CLASP1: variants seen among roughly 807,000 people sequenced by gnomAD.
CLASP1 encodes cytoplasmic linker associated protein 1.
In CLASP1, 38 loss-of-function variants were observed where a neutral mutation model predicts 192.3. The observed-to-expected ratio is 0.20, with a 90% CI of 0.15 to 0.26. The LOEUF (loss-of-function observed/expected upper bound fraction) is 0.26. Among genes scored for constraint, CLASP1 ranks in the 10% least tolerant of loss-of-function variants. The pLI, the probability that CLASP1 is intolerant of heterozygous loss-of-function variation, is 1.00. For missense variants in CLASP1, 1,433 were observed against 1,932.5 expected, an observed-to-expected ratio of 0.74 and a Z score of 4.85; for synonymous variants, 691 against 712.8, an observed-to-expected ratio of 0.97 and a Z score of 0.49.
chr2:121,464,186 T>C (rs1462242764), intron 9 of CLASP1, among the ~76,000 whole-genome samples: 1 of 152,144 alleles, frequency 6.6e-6, no homozygotes, highest in Non-Finnish European at 1.5e-5. Context: ...CATCCTTTTT[T>C]ATGGATGCAT....
intron 1 of CLASP1, among the ~76,000 whole-genome samples, chr2:121,614,610 C>G (rs1291484170): frequency 6.6e-6 from 1 of 152,166 alleles, no homozygotes; most frequent in African/African-American, 2.4e-5. Flanking sequence ...CACGTATGTA[C>G]TCAATGGGTA....
chr2:121,645,453 C>T (rs2073009991), intron 1 of CLASP1, among the ~76,000 whole-genome samples: 1 of 152,180 alleles, frequency 6.6e-6, no homozygotes. Flanking sequence ...GACTACTGGG[C>T]CTCTAACAAC....
intron 19 of CLASP1, among the ~76,000 whole-genome samples, chr2:121,431,599 T>C (rs929823591): frequency 6.6e-6 from 1 of 152,192 alleles, no homozygotes; most frequent in Non-Finnish European, 1.5e-5. Flanking sequence ...CATTATAAAA[T>C]ATTTAGGTCA....
intron 2 of CLASP1, among the ~76,000 whole-genome samples, chr2:121,561,379 T>G (rs1360572241): frequency 1.3e-5 from 2 of 152,228 alleles, no homozygotes; most frequent in Non-Finnish European, 2.9e-5. Context: ...AAAGCTTTCT[T>G]TTCTCTTACC....
chr2:121,436,480 G>A (rs919520867), intron 19 of CLASP1, among the ~76,000 whole-genome samples: 6 of 148,784 alleles, frequency 4.0e-5, no homozygotes, highest in South Asian at 2.1e-4. Flanking sequence ...GTGTGATCTC[G>A]GTTCACTGCA....
At chr2:121,578,188 A>C (rs7607178) in intron 2 of CLASP1, among the ~76,000 whole-genome samples, 37,425 of 151,594 alleles carry the variant, frequency 0.25, 7,303 homozygotes, top group African/African-American at 0.54. Flanking sequence ...CCACCTCGGC[A>C]TCCCAAAGTG....
At chr2:121,621,163 G>A (rs1177401035) in intron 1 of CLASP1, among the ~76,000 whole-genome samples, 1 of 152,104 alleles carries the variant, frequency 6.6e-6, no homozygotes, top group East Asian at 1.9e-4. Flanking sequence ...CAAGGCTGCA[G>A]TGAGCTGCGA....
chr2:121,351,079 G>A (rs1470916170), intron 37 of CLASP1, among the ~76,000 whole-genome samples: 7 of 152,172 alleles, frequency 4.6e-5, no homozygotes, highest in East Asian at 1.9e-4. Context: ...GGAGCAGGCC[G>A]CACCTCATTC....
At chr2:121,497,067 CA>C (rs990831590) in intron 8 of CLASP1, among the ~76,000 whole-genome samples, 8 of 151,874 alleles carry the variant, frequency 5.3e-5, no homozygotes, top group African/African-American at 1.7e-4. Context: ...TACCAAAGGC[CA>C]GGAAGGGGAG....
chr2:121,624,105 T>A (rs1429571140), intron 1 of CLASP1, among the ~76,000 whole-genome samples: 1 of 152,156 alleles, frequency 6.6e-6, no homozygotes, highest in Non-Finnish European at 1.5e-5. Flanking sequence ...TTGGTTTGAT[T>A]TTCCCTACTT....
At chr2:121,359,583 C>T (rs766655320) in intron 37 of CLASP1, among the ~76,000 whole-genome samples, 7 of 152,238 alleles carry the variant, frequency 4.6e-5, no homozygotes, top group Admixed American at 6.5e-5. Flanking sequence ...TAAAAGGTCA[C>T]TCTCAAGGCC....
At chr2:121,375,151 T>C (rs997716076) in intron 34 of CLASP1, among the ~76,000 whole-genome samples, 4 of 152,246 alleles carry the variant, frequency 2.6e-5, no homozygotes, top group African/African-American at 7.2e-5. Flanking sequence ...GCTGTTCTTA[T>C]GATAGTAAGT....
chr2:121,344,974 C>G (rs2063265147), intron 39 of CLASP1, among the ~76,000 whole-genome samples: 1 of 152,074 alleles, frequency 6.6e-6, no homozygotes, highest in African/African-American at 2.4e-5. Context: ...CCTGGCCAAC[C>G]AGGCAAAACC....
intron 2 of CLASP1, chr2:121,532,306 T>C (rs952915213): frequency 6.6e-6 from 1 of 152,186 alleles, no homozygotes; most frequent in Non-Finnish European, 1.5e-5. Context: ...AATAATGGTA[T>C]AAACACTTTA....
Position 121,443,837 on chromosome 2 carries a change from CA to C in CLASP1, c.1912+3499del, listed in dbSNP as rs534903908. 2.1e-4 allele frequency among the ~76,000 whole-genome samples: 32 copies of C among 149,138 alleles called. No homozygotes were observed. In the South Asian group the frequency reaches 4.2e-3, roughly 20 times the overall value. ...CTGCTCTTGGGATCATGTTCACCTT[CA>C]AAAAAAAAATCCATTCCTATCTTTC... On this transcript the variant is annotated intron_variant, in intron 19 of 39. Coordinates refer to ENST00000263710, the Ensembl canonical transcript of CLASP1.
At chr2:121,384,652 C>T (rs1277507234) in intron 32 of CLASP1, among the ~76,000 whole-genome samples, 3 of 151,982 alleles carry the variant, frequency 2.0e-5, no homozygotes, top group African/African-American at 4.8e-5. Context: ...GCCTGTAATT[C>T]CAGCATGTTG....
intron 1 of CLASP1, among the ~76,000 whole-genome samples, chr2:121,628,485 T>G (rs1431898764): frequency 2.6e-5 from 4 of 151,718 alleles, no homozygotes; most frequent in Non-Finnish European, 5.9e-5. Flanking sequence ...AGACCAGCCT[T>G]GCCAACATGG....
chr2:121,462,432 C>G lies in CLASP1; in HGVS notation c.939+100G>C, dbSNP rs190331619. ...CCTGTAGTGCTGACAGTTAAAATTA[C>G]CTGACCTAGTAAACAACATTACATA... On this transcript the variant is annotated intron_variant, in intron 10 of 39. Transcript: ENST00000263710. 7.1e-5 allele frequency: 47 copies of G among 663,550 alleles called. No individual in the cohort carries two copies. In the East Asian group the frequency reaches 1.3e-3, roughly 18 times the overall value. The allele number at this position is 663,550 out of a possible 1,614,324, so 41.1% of individuals were successfully genotyped here. A position where few individuals can be genotyped will look rare whatever the true frequency, so the allele number is the denominator to read the frequency against.
At chr2:121,531,039 C>A (rs72969389) in intron 2 of CLASP1, 1 of 699,074 alleles carries the variant, frequency 1.4e-6, no homozygotes, top group South Asian at 1.5e-5. Context: ...CTTATCAGTT[C>A]AAACAGCAGT....
Sources: gnomAD v4.1 joint callset for allele counts (sites outside exome capture counted in the v4.1 genomes callset) on GRCh38, gnomAD v4.1.1 for gene constraint, MANE v1.5 for transcripts, NCBI Gene and HGNC (gene_info 2026-07-23, HGNC 2026-07-21) for gene names.